The following SLC52A3 variants were observed in gnomAD, a reference collection of about 807,000 sequenced individuals.
SLC52A3 encodes solute carrier family 52, riboflavin transporter, member 3.
A neutral mutation model predicts 29.5 loss-of-function variants in SLC52A3; 20 were observed. The ratio of observed to expected loss-of-function variants is 0.68; its 90% CI spans 0.48 to 0.99. The LOEUF is 0.99. Among genes scored for constraint, SLC52A3 ranks in the 50% least tolerant of loss-of-function variants. The pLI, the probability that SLC52A3 is intolerant of heterozygous loss-of-function variation, is 0.00. For missense variants in SLC52A3, 548 were observed against 612.9 expected (o/e 0.89, Z 1.12); for synonymous variants, 301 against 271.0 (o/e 1.11, Z -1.09).
intron 1 of SLC52A3, among the ~76,000 whole-genome samples, chr20:766,968 G>A (rs954436099): frequency 2.6e-5 from 4 of 152,162 alleles, no homozygotes; most frequent in Admixed American, 6.5e-5. Flanking sequence ...TTCTCACCAT[G>A]AGATTGTCCC....
At chr20:761,670 G>C (rs933501801) in intron 4 of SLC52A3, 31 bp downstream of exon 4, 6 of 1,612,432 alleles carry the variant, frequency 3.7e-6, no homozygotes, top group Non-Finnish European at 5.1e-6. Flanking sequence ...GGGGTACGCA[G>C]CGGGAGCAGC....
upstream of SLC52A3, among the ~76,000 whole-genome samples, chr20:771,827 C>T (rs1986849578): frequency 6.6e-6 from 1 of 152,190 alleles, no homozygotes; most frequent in Non-Finnish European, 1.5e-5. Flanking sequence ...TAGTGACTAT[C>T]TGTATTCTGA....
Position 765,112 on chromosome 20 carries a change from C to G in SLC52A3, c.567+96G>C. 7.1e-7 allele frequency: 1 copy of G among 1,414,688 alleles called. No individual in the cohort carries two copies. 87.6% of individuals were successfully genotyped at this position (1,414,688 alleles called of 1,614,324 possible). A position where few individuals can be genotyped will look rare whatever the true frequency, so the allele number is the denominator to read the frequency against. On this transcript the variant is annotated intron_variant, in intron 2 of 4. Coordinates refer to ENST00000645534, the MANE Select transcript of SLC52A3 (RefSeq NM_033409.4). This position sits in a 1 kb window ranked among gnomAD's most constrained non-coding sequence, Gnocchi z 6.6. ...TATGTCAGTTTAACTCATAGGCCGA[C>G]CAAAGAACCTAGAAGGATGGAGGTG... is the stretch of plus-strand genomic sequence containing the variant.
chr20:766,668 GC>G (rs1986696292), intron 1 of SLC52A3, among the ~76,000 whole-genome samples: 1 of 150,820 alleles, frequency 6.6e-6, no homozygotes, highest in Non-Finnish European at 1.5e-5. Flanking sequence ...CTATAAAACT[GC>G]CCCACCCCTA....
chr20:768,109 T>C (rs1986743766), intron 1 of SLC52A3, among the ~76,000 whole-genome samples, 188 bp downstream of exon 1: 1 of 152,194 alleles, frequency 6.6e-6, no homozygotes, highest in Non-Finnish European at 1.5e-5. Flanking sequence ...ATAAGGATGC[T>C]GGTGAGTTTA....
upstream of SLC52A3, among the ~76,000 whole-genome samples, chr20:779,322 G>C (rs1033956957): frequency 2.0e-5 from 3 of 152,204 alleles, no homozygotes; most frequent in East Asian, 5.8e-4. Flanking sequence ...ATGTTGTACA[G>C]TTTAAAAGTG....
At chr20:773,944 C>T (rs766204861) in intron 1 of SLC52A3, among the ~76,000 whole-genome samples, 5 of 152,016 alleles carry the variant, frequency 3.3e-5, no homozygotes, top group Non-Finnish European at 5.9e-5. Context: ...CCCCCCTCCA[C>T]ATTCTCCTGC....
chr20:761,305 C>A, intron 4 of SLC52A3, 67 bp from the exon 5 acceptor site: 1 of 1,459,738 alleles, frequency 6.9e-7, no homozygotes, highest in South Asian at 1.3e-5. Flanking sequence ...GAGCAAAGAA[C>A]TCTCACAGGG....
In SLC52A3 at chr20:761,797, G is replaced by A. The variant is rs539208778; in HGVS notation, c.1101C>T (p.Ser367=). ...NRSLLFLGVL[S]VLGTCFGGYN... Reference sequence around the variant, plus strand: ...AGCCCCCAAAGCAGGTCCCAAGCACGGAGAGGACCCCCAGGAACAGCAGAG... The same window carrying A: ...AGCCCCCAAAGCAGGTCCCAAGCACAGAGAGGACCCCCAGGAACAGCAGAG... Residue 367 remains serine, a synonymous_variant, in exon 4 of 5, where the codon TCC becomes TCT. Transcript: ENST00000645534. 4 of 1,614,198 alleles carry A rather than the reference G, an allele frequency of 2.5e-6. No homozygotes were observed. The highest frequency in any genetic ancestry group is 1.3e-5 in the African/African-American group (1 of 75,042).
At chr20:778,261 T>A (rs1987123708), upstream of SLC52A3, among the ~76,000 whole-genome samples, 2 of 152,096 alleles carry the variant, frequency 1.3e-5, no homozygotes, top group African/African-American at 4.8e-5. Flanking sequence ...GTGATCTTCT[T>A]GCCTCTGCCT....
rs1178913426 is a variant in SLC52A3 at position 760,670 on chromosome 20, A to G, written c.*356T>C. On this transcript the variant is annotated 3_prime_UTR_variant, in exon 5 of 5. Transcript: ENST00000645534. The surrounding 1 kb of genome is among the most constrained non-coding windows in gnomAD (Gnocchi z 4.9). The stretch of plus-strand genomic sequence containing the variant: ...ATGCATGAAGAAACAGGCACAGAGA[A>G]GCCAAATGACTTTCCCAAGGTCACA... The G allele has an allele frequency of 1.0e-5, 3 of 297,776 alleles. No individual in the cohort carries two copies. The highest frequency in any genetic ancestry group is 4.5e-5 in the Admixed American group (1 of 21,998). The allele number at this position is 297,776 out of a possible 1,614,324, so 18.4% of individuals were successfully genotyped here. A position where few individuals can be genotyped will look rare whatever the true frequency, so the allele number is the denominator to read the frequency against.
upstream of SLC52A3, among the ~76,000 whole-genome samples, chr20:768,795 G>C (rs1293740139): frequency 6.6e-6 from 1 of 152,158 alleles, no homozygotes; most frequent in Non-Finnish European, 1.5e-5. Flanking sequence ...GCACAGGTGA[G>C]GCCCACTCCA....
upstream of SLC52A3, among the ~76,000 whole-genome samples, chr20:773,388 G>A (rs1986907435): frequency 6.6e-6 from 1 of 152,130 alleles, no homozygotes; most frequent in South Asian, 2.1e-4. Flanking sequence ...GGAAACTGAG[G>A]TTTAAAAGGG....
upstream of SLC52A3, among the ~76,000 whole-genome samples, chr20:770,164 T>TTTC (rs1390853587): frequency 6.6e-6 from 1 of 151,924 alleles, no homozygotes; most frequent in African/African-American, 2.4e-5. The surrounding 1 kb of genome is among the most constrained non-coding windows in gnomAD (Gnocchi z 4.5). Context: ...TGTTTTTTTT[T>TTTC]TTTTTCTTTT....
rs1212542259 is a variant in SLC52A3 at position 761,224 on chromosome 20, C to T, written c.1212G>A (p.Val404=). The part of the protein sequence containing the change: ...GGEVLIVASW[V]LFSGCLSYVK... ...CGTAACTGAGGCAGCCGCTGAAAAG[C>T]ACCCACGAGGCCACCTGCGGGGCCG... is the stretch of plus-strand genomic sequence containing the variant. The change falls in exon 5 of 5, where the codon GTG becomes GTA. Residue 404 remains valine, a synonymous_variant. Coordinates refer to ENST00000645534, the MANE Select transcript of SLC52A3 (RefSeq NM_033409.4). 2 of 1,552,710 alleles carry T rather than the reference C, an allele frequency of 1.3e-6. No individual in the cohort carries two copies. Among genetic ancestry groups the T allele is most frequent in the Non-Finnish European group, 1.7e-6 (2 of 1,148,884 alleles).
chr20:776,861 G>A (rs530523595), upstream of SLC52A3, among the ~76,000 whole-genome samples: 46 of 151,800 alleles, frequency 3.0e-4, no homozygotes, highest in South Asian at 7.7e-3. Context: ...GCTTTTGGGG[G>A]GGGGGCCACA....
intron 1 of SLC52A3, chr20:766,134 C>T (rs1187694947): frequency 2.1e-5 from 6 of 281,644 alleles, no homozygotes; most frequent in Admixed American, 1.9e-4. Flanking sequence ...AGGGTTTCCC[C>T]ACGTTGGTCA....
chr20:778,147 C>T (rs1399916520), upstream of SLC52A3, among the ~76,000 whole-genome samples: 2 of 151,822 alleles, frequency 1.3e-5, no homozygotes, highest in Admixed American at 1.3e-4. Context: ...TCCCAAGTAA[C>T]TGGGATTATA....
At chr20:764,090 A>C in intron 2 of SLC52A3, 87 bp from the exon 3 acceptor site, 23 of 1,247,998 alleles carry the variant, frequency 1.8e-5, no homozygotes, top group Non-Finnish European at 2.3e-5. Context: ...AATACAGATC[A>C]CCTGTTATTA....
Sources: gnomAD v4.1 joint callset for allele counts (sites outside exome capture counted in the v4.1 genomes callset) on GRCh38, gnomAD v4.1.1 for gene constraint, Gnocchi (gnomAD v3.1) non-coding constraint, MANE v1.5 for transcripts, NCBI Gene and HGNC (gene_info 2026-07-23, HGNC 2026-07-21) for gene names.